Variants in CNTNAP2 observed in about 807,000 individuals in gnomAD.
CNTNAP2 encodes the protein contactin associated protein 2.
A neutral mutation model predicts 155.2 loss-of-function variants in CNTNAP2; 98 were observed. The ratio of observed to expected loss-of-function variants is 0.63; its 90% CI spans 0.54 to 0.75. The LOEUF (loss-of-function observed/expected upper bound fraction) is 0.75. Ranked by LOEUF, CNTNAP2 falls within the 30% of genes least tolerant of loss-of-function variation. The probability of loss-of-function intolerance (pLI) is 0.00; values close to 1 mark genes in which losing one functional copy is unlikely to be tolerated. For synonymous variants in CNTNAP2, 651 were observed against 631.2 expected (o/e 1.03, Z -0.47); for missense variants, 1,727 against 1,688.1 (o/e 1.02, Z -0.40).
chr7:146,447,459 G>A (rs1796418146), intron 1 of CNTNAP2, among the ~76,000 whole-genome samples: 1 of 151,860 alleles, frequency 6.6e-6, no homozygotes. Context: ...ATTTATTTTA[G>A]AACCAATTTA....
intron 1 of CNTNAP2, among the ~76,000 whole-genome samples, chr7:146,267,219 C>A (rs1232001623): frequency 6.6e-6 from 1 of 151,992 alleles, no homozygotes; most frequent in Non-Finnish European, 1.5e-5. Context: ...ATTAAAATAT[C>A]TATTTGTCAT....
intron 1 of CNTNAP2, among the ~76,000 whole-genome samples, chr7:146,735,085 T>C (rs1171188143): frequency 6.6e-6 from 1 of 152,200 alleles, no homozygotes; most frequent in African/African-American, 2.4e-5. Context: ...AACAAATTGT[T>C]ATTGGAATGA....
chr7:147,119,445 T>C (rs1801056437), intron 5 of CNTNAP2, among the ~76,000 whole-genome samples: 1 of 152,170 alleles, frequency 6.6e-6, no homozygotes, highest in Admixed American at 6.5e-5. Flanking sequence ...GTTACCTAAA[T>C]ATCAGACGTG....
chr7:148,215,787 C>T (rs960553205), intron 18 of CNTNAP2, among the ~76,000 whole-genome samples: 1 of 152,048 alleles, frequency 6.6e-6, no homozygotes, highest in Non-Finnish European at 1.5e-5. Context: ...AGACATTGAC[C>T]CAAGTTAACA....
At chr7:148,004,127 T>G (rs1011154037) in intron 15 of CNTNAP2, among the ~76,000 whole-genome samples, 5 of 152,190 alleles carry the variant, frequency 3.3e-5, no homozygotes, top group Non-Finnish European at 5.9e-5. Context: ...TTTTCTTAGT[T>G]GTAATAAGTA....
rs569476460 is a variant in CNTNAP2 at position 147,357,483 on chromosome 7, T to C, written c.1499-38126T>C. On this transcript the variant is annotated intron_variant, in intron 9 of 23. Coordinates refer to ENST00000361727, the MANE Select transcript of CNTNAP2 (RefSeq NM_014141.6). The stretch of plus-strand genomic sequence containing the variant: ...CTAAGGTGATGGAATCTGTTGATCC[T>C]ACATGCAGCAGCAGTCGGTACTGAA... Among the ~76,000 whole-genome samples the C allele has an allele frequency of 1.0e-3, 159 of 152,236 alleles. 1 individual carries two copies. Among genetic ancestry groups the C allele is most frequent in the Middle Eastern group, 6.8e-3 (2 of 294 alleles).
At chr7:148,199,693 T>G (rs531150015) in intron 18 of CNTNAP2, among the ~76,000 whole-genome samples, 2 of 152,326 alleles carry the variant, frequency 1.3e-5, no homozygotes, top group East Asian at 1.9e-4. Context: ...TCAGTAGATT[T>G]TAAAGACTTA....
At chr7:147,366,668 G>C (rs1796234324) in intron 9 of CNTNAP2, among the ~76,000 whole-genome samples, 1 of 151,684 alleles carries the variant, frequency 6.6e-6, no homozygotes, top group Non-Finnish European at 1.5e-5. Flanking sequence ...CACAAGTTTT[G>C]TTATGCAGTA....
At chr7:146,144,706 A>C (rs1316476776) in intron 1 of CNTNAP2, among the ~76,000 whole-genome samples, 1 of 152,242 alleles carries the variant, frequency 6.6e-6, no homozygotes, top group Non-Finnish European at 1.5e-5. Flanking sequence ...TAAAAGAAAC[A>C]TAATGAAGAA....
At chr7:148,081,280 T>A (rs146820130) in intron 15 of CNTNAP2, among the ~76,000 whole-genome samples, 55 of 152,274 alleles carry the variant, frequency 3.6e-4, no homozygotes, top group African/African-American at 1.2e-3. Flanking sequence ...TAGTTAATAC[T>A]GAGTGTCAAC....
At chr7:146,226,289 T>C (rs1035745683) in intron 1 of CNTNAP2, among the ~76,000 whole-genome samples, 4 of 152,162 alleles carry the variant, frequency 2.6e-5, no homozygotes, top group Admixed American at 6.5e-5. Flanking sequence ...TATTGGTGTA[T>C]TGGGATAATT....
At chr7:147,281,887 C>T (rs1805042884) in intron 8 of CNTNAP2, among the ~76,000 whole-genome samples, 1 of 151,760 alleles carries the variant, frequency 6.6e-6, no homozygotes, top group Non-Finnish European at 1.5e-5. Flanking sequence ...TTGACTATGA[C>T]CTGTGTGATC....
At chr7:147,468,658 G>T (rs1350188937) in intron 10 of CNTNAP2, among the ~76,000 whole-genome samples, 2 of 152,094 alleles carry the variant, frequency 1.3e-5, no homozygotes, top group African/African-American at 4.8e-5. Context: ...TGAGAGAAAA[G>T]GGATAAATAA....
In CNTNAP2 at chr7:147,496,342, A is replaced by C. The variant is rs559573989; in HGVS notation, c.1777+10301A>C. ...CACTGAATGATATTTAAGTTTTCCC[A>C]TAACAGGTTATGGGCTCTCAGTTAT... On this transcript the variant is annotated intron_variant, in intron 11 of 23. Coordinates refer to ENST00000361727, the MANE Select transcript of CNTNAP2 (RefSeq NM_014141.6). 1.4e-4 allele frequency among the ~76,000 whole-genome samples: 21 copies of C among 152,284 alleles called. 1 individual carries two copies. Among genetic ancestry groups the C allele is most frequent in the African/African-American group, 3.8e-4 (16 of 41,560 alleles).
chr7:148,364,454 G>A (rs1053658471), intron 21 of CNTNAP2, among the ~76,000 whole-genome samples: 2 of 152,094 alleles, frequency 1.3e-5, no homozygotes, highest in Non-Finnish European at 2.9e-5. Flanking sequence ...AGGACGTGGA[G>A]AACTTTTATG....
intron 13 of CNTNAP2, among the ~76,000 whole-genome samples, chr7:147,641,685 G>C (rs1162481979): frequency 1.3e-5 from 2 of 152,094 alleles, no homozygotes; most frequent in Admixed American, 6.6e-5. Flanking sequence ...AGTCCAATAG[G>C]ATTGGTGGCC....
intron 1 of CNTNAP2, among the ~76,000 whole-genome samples, chr7:146,556,764 G>A (rs1463081276): frequency 6.6e-6 from 1 of 151,252 alleles, no homozygotes; most frequent in Non-Finnish European, 1.5e-5. Flanking sequence ...CAGGGGCAGA[G>A]AGGACAGCAT....
chr7:147,096,697 C>T (rs577149378), intron 4 of CNTNAP2, among the ~76,000 whole-genome samples: 65 of 152,244 alleles, frequency 4.3e-4, no homozygotes, highest in African/African-American at 1.4e-3. Context: ...GACTGGTTCT[C>T]GCCACAAGTT....
intron 10 of CNTNAP2, among the ~76,000 whole-genome samples, chr7:147,472,268 A>G (rs542383116): frequency 1.9e-3 from 255 of 135,824 alleles, no homozygotes; most frequent in Admixed American, 4.3e-3. Flanking sequence ...GCTGGAGTGC[A>G]GTGGCATGAT....
Sources: gnomAD v4.1 joint callset for allele counts (sites outside exome capture counted in the v4.1 genomes callset) on GRCh38, gnomAD v4.1.1 for gene constraint, MANE v1.5 for transcripts, NCBI Gene and HGNC (gene_info 2026-07-23, HGNC 2026-07-21) for gene names.